The following ENKUR variants were observed in gnomAD, a reference collection of about 807,000 sequenced individuals.
ENKUR encodes enkurin, TRPC channel interacting protein.
Under a neutral mutation model 27.6 loss-of-function variants are expected in ENKUR, and 19 were observed. The observed-to-expected ratio is 0.69, with a 90% CI of 0.48 to 1.01. The LOEUF is 1.01. ENKUR is among the 50% of genes least tolerant of loss of function. The probability of loss-of-function intolerance (pLI) is 0.00; values close to 1 mark genes in which losing one functional copy is unlikely to be tolerated. For missense variants in ENKUR, 312 were observed against 310.5 expected, an observed-to-expected ratio of 1.00 and a Z score of -0.04; for synonymous variants, 117 against 96.9, an observed-to-expected ratio of 1.21 and a Z score of -1.22.
chr10:25,057,429 A>ACACACAC (rs386370954), intron 2 of ENKUR, among the ~76,000 whole-genome samples: 1 of 84,032 alleles, frequency 1.2e-5, no homozygotes, highest in African/African-American at 4.2e-5. Context: ...ACACACACAC[A>ACACACAC]ATGCCCTTAA....
intron 2 of ENKUR, among the ~76,000 whole-genome samples, chr10:25,022,486 C>T (rs1480039013): frequency 6.6e-6 from 1 of 152,114 alleles, no homozygotes; most frequent in African/African-American, 2.4e-5. Context: ...CACCTTGGCT[C>T]TTTTTAAAGC....
intron 2 of ENKUR, among the ~76,000 whole-genome samples, chr10:25,060,106 G>T (rs1851309384): frequency 6.6e-6 from 1 of 152,156 alleles, no homozygotes; most frequent in South Asian, 2.1e-4. Context: ...GGGGTGCTTA[G>T]GAAGCCTGTG....
intron 2 of ENKUR, among the ~76,000 whole-genome samples, chr10:25,049,968 G>A (rs986374608): frequency 1.3e-5 from 2 of 152,156 alleles, no homozygotes; most frequent in African/African-American, 4.8e-5. Flanking sequence ...CAAGCAGCAT[G>A]GTGTCAGCAT....
At chr10:25,041,493 T>C (rs1262679144) in intron 2 of ENKUR, among the ~76,000 whole-genome samples, 2 of 152,194 alleles carry the variant, frequency 1.3e-5, no homozygotes, top group Admixed American at 6.5e-5. Flanking sequence ...TCTCAATCTC[T>C]TTCTCTTATC....
chr10:25,024,566 T>G (rs745395331), intron 2 of ENKUR: 1 of 1,614,142 alleles, frequency 6.2e-7, no homozygotes, highest in Admixed American at 1.7e-5. Flanking sequence ...AAAAGAATTT[T>G]TAATGATTCT....
intron 2 of ENKUR, among the ~76,000 whole-genome samples, chr10:25,022,360 T>C (rs866273108): frequency 7.2e-5 from 11 of 152,310 alleles, no homozygotes; most frequent in Non-Finnish European, 1.6e-4. Context: ...ATCTCTCCAC[T>C]GATGATTATA....
intron 2 of ENKUR, among the ~76,000 whole-genome samples, chr10:25,058,952 A>AG (rs1355969403): frequency 6.7e-6 from 1 of 149,162 alleles, no homozygotes; most frequent in Admixed American, 6.7e-5. Flanking sequence ...AAAAGTAAGG[A>AG]GGGGGAGACC....
chr10:24,984,908 G>A lies in ENKUR; in HGVS notation c.595-3C>T. The A allele has an allele frequency of 3.1e-6, 5 of 1,609,220 alleles. No individual in the cohort carries two copies. The highest frequency in any genetic ancestry group is 1.3e-5 in the African/African-American group (1 of 74,724). ...TCTTCCCAGTTCTTTTTCAGCCCCT[G>A]CAAATGGTCAAGAAACTTGTAAATA... On this transcript the variant is annotated splice_region_variant and splice_polypyrimidine_tract_variant and intron_variant, in intron 4 of 5. Transcript: ENST00000331161.
intron 2 of ENKUR, among the ~76,000 whole-genome samples, chr10:25,038,044 A>C (rs1391695006): frequency 3.9e-5 from 6 of 152,196 alleles, no homozygotes; most frequent in Non-Finnish European, 8.8e-5. Context: ...GCCTTAATGG[A>C]ACATTTTAAT....
intron 2 of ENKUR, among the ~76,000 whole-genome samples, chr10:25,042,435 C>T (rs1415552917): frequency 3.3e-5 from 5 of 152,010 alleles, no homozygotes; most frequent in Admixed American, 6.6e-5. Flanking sequence ...GCTGGGATTA[C>T]AGGCACCCAC....
intron 2 of ENKUR, among the ~76,000 whole-genome samples, chr10:25,039,910 G>T (rs1851043107): frequency 6.8e-6 from 1 of 147,964 alleles, no homozygotes; most frequent in African/African-American, 2.5e-5. Flanking sequence ...TAACAAACCT[G>T]CACATGTACC....
intron 1 of ENKUR, among the ~76,000 whole-genome samples, 180 bp downstream of exon 1, chr10:25,015,680 G>A (rs117062393): frequency 0.03 from 4,603 of 152,300 alleles, 94 homozygotes; most frequent in Non-Finnish European, 0.045. Context: ...CTGTAAAACT[G>A]TGAGATGCTG....
At chr10:24,985,068 A>G (rs1432825193) in intron 4 of ENKUR, among the ~76,000 whole-genome samples, 163 bp from the exon 5 acceptor site, 1 of 152,220 alleles carries the variant, frequency 6.6e-6, no homozygotes, top group Admixed American at 6.5e-5. Flanking sequence ...CGGTAACCAA[A>G]AATACTGTAC....
At chr10:25,025,609 A>G (rs12249889) in intron 2 of ENKUR, 1 of 685,744 alleles carries the variant, frequency 1.5e-6, no homozygotes, top group African/African-American at 1.8e-5. Flanking sequence ...TGACATGAGA[A>G]CTCCATGTCA....
upstream of ENKUR, among the ~76,000 whole-genome samples, chr10:25,020,718 G>A (rs914365069): frequency 3.3e-5 from 5 of 150,658 alleles, no homozygotes; most frequent in Admixed American, 3.3e-4. Flanking sequence ...TCCAGCCTGG[G>A]TGACAGTGGA....
chr10:25,016,356 G>GT (rs2132732421), upstream of ENKUR, among the ~76,000 whole-genome samples: 1 of 152,336 alleles, frequency 6.6e-6, no homozygotes, highest in African/African-American at 2.4e-5. Context: ...CTATTTCTGT[G>GT]TATCTGGGGA....
intron 1 of ENKUR, among the ~76,000 whole-genome samples, chr10:25,013,769 C>T (rs960415234): frequency 6.6e-6 from 1 of 151,952 alleles, no homozygotes; most frequent in Admixed American, 6.6e-5. Context: ...ATGGTGAAAC[C>T]CCATCCCTAC....
intron 3 of ENKUR, among the ~76,000 whole-genome samples, chr10:24,994,096 G>A (rs1849986786): frequency 6.6e-6 from 1 of 152,144 alleles, no homozygotes; most frequent in African/African-American, 2.4e-5. Flanking sequence ...AGTGTCCTCT[G>A]AAAACAGCCT....
chr10:25,033,051 G>C (rs374062306), intron 2 of ENKUR, among the ~76,000 whole-genome samples: 1 of 152,110 alleles, frequency 6.6e-6, no homozygotes, highest in African/African-American at 2.4e-5. Context: ...TGATACTGAC[G>C]TCAACTACTA....
Sources: allele counts gnomAD v4.1 joint callset (sites outside exome capture counted in the v4.1 genomes callset), GRCh38; gene constraint gnomAD v4.1.1; transcripts MANE v1.5; gene names NCBI Gene and HGNC (gene_info 2026-07-23, HGNC 2026-07-21).